Variants in DCC observed in about 807,000 individuals in gnomAD.
DCC encodes DCC netrin 1 receptor, also known as netrin receptor DCC.
In DCC, 58 loss-of-function variants were observed where a neutral mutation model predicts 172.5. That is an observed-to-expected ratio of 0.34 (90% CI 0.27 to 0.42). The LOEUF is 0.42. Ranked by LOEUF, DCC falls within the 10% of genes least tolerant of loss-of-function variation. The pLI is 1.00. For synonymous variants in DCC, 709 were observed against 644.5 expected, an observed-to-expected ratio of 1.10 and a Z score of -1.52; for missense variants, 1,740 against 1,791.0, an observed-to-expected ratio of 0.97 and a Z score of 0.51.
intron 7 of DCC, among the ~76,000 whole-genome samples, chr18:53,154,757 C>T (rs2054701478): frequency 1.3e-5 from 2 of 152,090 alleles, no homozygotes; most frequent in Non-Finnish European, 2.9e-5. Flanking sequence ...CCAGGCTGCA[C>T]AGCTGAGAGG....
intron 5 of DCC, among the ~76,000 whole-genome samples, chr18:53,015,096 T>C (rs1363576345): frequency 2.0e-5 from 3 of 152,198 alleles, no homozygotes; most frequent in Non-Finnish European, 2.9e-5. Context: ...TGTCAACAAT[T>C]ATGCTCAGAT....
At chr18:53,488,368 CTATT>C (rs1231632873) in intron 26 of DCC, among the ~76,000 whole-genome samples, 2 of 151,966 alleles carry the variant, frequency 1.3e-5, no homozygotes, top group Non-Finnish European at 2.9e-5. Flanking sequence ...GAGCTAGACT[CTATT>C]TATTTCAAAT....
chr18:53,051,482 C>T (rs1468423736), intron 5 of DCC, among the ~76,000 whole-genome samples: 1 of 152,066 alleles, frequency 6.6e-6, no homozygotes, highest in Non-Finnish European at 1.5e-5. Context: ...AAACATACCA[C>T]CAATTATTTT....
chr18:53,241,790 T>C (rs1431684380), intron 12 of DCC, among the ~76,000 whole-genome samples: 1 of 152,130 alleles, frequency 6.6e-6, no homozygotes, highest in Admixed American at 6.6e-5. Context: ...GGAAGGCAGG[T>C]TCCCTCTGTG....
Position 52,846,280 on chromosome 18 carries a change from G to A in DCC, c.413-59764G>A, listed in dbSNP as rs147367431. ...GCTTCAGCCAGGCATGGTGGCACAT[G>A]CCTGTAATCCCTGCACTTTGGGAAG... On this transcript the variant is annotated intron_variant, in intron 2 of 28. Coordinates refer to ENST00000442544, the MANE Select transcript of DCC (RefSeq NM_005215.4). 9.9e-5 allele frequency among the ~76,000 whole-genome samples: 15 copies of A among 152,154 alleles called. 1 individual carries two copies. In the East Asian group the frequency reaches 2.9e-3, roughly 30 times the overall value.
intron 1 of DCC, among the ~76,000 whole-genome samples, chr18:52,578,461 A>C (rs914476131): frequency 1.3e-5 from 2 of 152,142 alleles, no homozygotes; most frequent in African/African-American, 4.8e-5. Context: ...ATAGACATTT[A>C]GGTGTTGTTT....
chr18:52,906,743 G>T (rs1157169809), intron 3 of DCC, among the ~76,000 whole-genome samples: 2 of 151,148 alleles, frequency 1.3e-5, no homozygotes, highest in Non-Finnish European at 2.9e-5. Flanking sequence ...AGTTAGTATT[G>T]AACTATAGAT....
At chr18:52,518,739 A>G (rs893572941) in intron 1 of DCC, among the ~76,000 whole-genome samples, 2 of 152,198 alleles carry the variant, frequency 1.3e-5, no homozygotes, top group Non-Finnish European at 1.5e-5. Flanking sequence ...AATTATTAAA[A>G]CCATTCTTTG....
At chr18:52,390,964 A>G (rs1231521530) in intron 1 of DCC, among the ~76,000 whole-genome samples, 1 of 152,048 alleles carries the variant, frequency 6.6e-6, no homozygotes, top group Non-Finnish European at 1.5e-5. Context: ...AAGTCTTATC[A>G]TCTTCTTGCC....
chr18:52,795,366 T>C (rs774289457), intron 2 of DCC, among the ~76,000 whole-genome samples: 2 of 152,006 alleles, frequency 1.3e-5, no homozygotes, highest in Non-Finnish European at 2.9e-5. Flanking sequence ...GTTGTATGCG[T>C]TTAGGAATGT....
At chr18:52,985,170 G>T (rs2041272867) in intron 5 of DCC, among the ~76,000 whole-genome samples, 1 of 151,858 alleles carries the variant, frequency 6.6e-6, no homozygotes. Flanking sequence ...ATTCTTGTTA[G>T]GCTATGCTTA....
intron 5 of DCC, among the ~76,000 whole-genome samples, chr18:53,057,941 G>T (rs1402586628): frequency 6.6e-6 from 1 of 152,028 alleles, no homozygotes; most frequent in East Asian, 1.9e-4. Context: ...TGTAAAAGTT[G>T]ACCACAGAGA....
At chr18:53,165,060 T>C (rs1365314687) in intron 8 of DCC, among the ~76,000 whole-genome samples, 14 of 152,124 alleles carry the variant, frequency 9.2e-5, no homozygotes, top group Admixed American at 9.2e-4. Flanking sequence ...ACAGTGGGAG[T>C]GCAGATGAGA....
chr18:52,774,040 T>G (rs1035512526), intron 2 of DCC, among the ~76,000 whole-genome samples: 2 of 152,176 alleles, frequency 1.3e-5, no homozygotes, highest in Non-Finnish European at 2.9e-5. Flanking sequence ...GGCAAACCAC[T>G]CTGTAACAGG....
chr18:52,938,352 T>C (rs1233700814), intron 5 of DCC, among the ~76,000 whole-genome samples: 2 of 152,100 alleles, frequency 1.3e-5, no homozygotes, highest in Non-Finnish European at 2.9e-5. Context: ...AGAGCAATAG[T>C]AGTGAGAGAA....
intron 2 of DCC, among the ~76,000 whole-genome samples, chr18:52,887,301 CA>C (rs1012762983): frequency 6.6e-6 from 1 of 151,584 alleles, no homozygotes; most frequent in African/African-American, 2.4e-5. Flanking sequence ...AAACAATCAT[CA>C]ATGGTTTTTT....
In DCC at chr18:52,625,776, A is replaced by G. The variant is rs1238226262; in HGVS notation, c.92-126278A>G. Reference sequence around the variant, plus strand: ...CCCCTCTGATCAGATTTTCACCTCCATCACTTCATCGCCAATGACTTCTGC... The same window carrying G: ...CCCCTCTGATCAGATTTTCACCTCCGTCACTTCATCGCCAATGACTTCTGC... On this transcript the variant is annotated intron_variant, in intron 1 of 28. Transcript: ENST00000442544. Among the ~76,000 whole-genome samples the G allele has an allele frequency of 5.3e-5, 8 of 152,224 alleles. No homozygotes were observed. In the East Asian group the frequency reaches 1.5e-3, roughly 29 times the overall value.
At chr18:53,357,930 AC>A (rs1369386438) in intron 15 of DCC, among the ~76,000 whole-genome samples, 2 of 152,182 alleles carry the variant, frequency 1.3e-5, no homozygotes, top group African/African-American at 4.8e-5. Flanking sequence ...CACGATTCAC[AC>A]AGAGAATCCC....
rs1466191293 is a variant in DCC at position 53,459,235 on chromosome 18, A to G, written c.3396A>G (p.Lys1132=). Residue 1132 remains lysine, a synonymous_variant, in exon 24 of 29, where the codon AAA becomes AAG. Coordinates refer to ENST00000442544, the MANE Select transcript of DCC (RefSeq NM_005215.4). ...GCCTTCTAACTTTGTTCCATAGGAA[A>G]CGGGCCACCCACAGTGCTGGCAAAA... The part of the protein sequence containing the change: ...TRRSSAQQRK[K]RATHSAGKRK... 1.9e-6 allele frequency: 3 copies of G among 1,613,424 alleles called. No individual in the cohort carries two copies. In the African/African-American group the frequency reaches 4.0e-5, roughly 22 times the overall value.
Sources: allele counts gnomAD v4.1 joint callset (sites outside exome capture counted in the v4.1 genomes callset), GRCh38; gene constraint gnomAD v4.1.1; transcripts MANE v1.5; gene names NCBI Gene and HGNC (gene_info 2026-07-23, HGNC 2026-07-21).